The following PTPRD variants were observed in gnomAD, a reference collection of about 807,000 sequenced individuals.
The protein encoded by PTPRD is protein tyrosine phosphatase receptor type D.
PTPRD carries 34 observed loss-of-function variants against 214.5 expected under a neutral mutation model. That is an observed-to-expected ratio of 0.16 (90% CI 0.12 to 0.21). The LOEUF (loss-of-function observed/expected upper bound fraction) is 0.21, where lower values mean the gene tolerates loss of function less well. PTPRD is among the 10% of genes least tolerant of loss of function. The pLI is 1.00. For synonymous variants in PTPRD, 1,128 were observed against 845.7 expected, an observed-to-expected ratio of 1.33 and a Z score of -5.79; for missense variants, 2,545 against 2,398.7, an observed-to-expected ratio of 1.06 and a Z score of -1.27.
intron 9 of PTPRD, among the ~76,000 whole-genome samples, chr9:9,381,307 T>A (rs959359053): frequency 6.6e-6 from 1 of 152,054 alleles, no homozygotes; most frequent in East Asian, 1.9e-4. Flanking sequence ...GTAGTTTTAA[T>A]TGTACATTTA....
At chr9:9,897,680 G>A (rs184691897) in intron 5 of PTPRD, among the ~76,000 whole-genome samples, 3 of 151,864 alleles carry the variant, frequency 2.0e-5, no homozygotes, top group Non-Finnish European at 4.4e-5. Flanking sequence ...TTCACCTATT[G>A]ATTAGGATTT....
At chr9:9,982,368 T>C (rs1396676450) in intron 4 of PTPRD, among the ~76,000 whole-genome samples, 1 of 152,196 alleles carries the variant, frequency 6.6e-6, no homozygotes, top group Non-Finnish European at 1.5e-5. Flanking sequence ...ATTATTTATG[T>C]GCTAGTTATG....
chr9:9,860,249 C>T (rs1376023680), intron 5 of PTPRD, among the ~76,000 whole-genome samples: 2 of 152,140 alleles, frequency 1.3e-5, no homozygotes, highest in Admixed American at 6.5e-5. Context: ...AAAGACAACA[C>T]AAATGATGGA....
chr9:9,458,719 T>C (rs1274360341), intron 8 of PTPRD, among the ~76,000 whole-genome samples: 2 of 152,052 alleles, frequency 1.3e-5, no homozygotes, highest in East Asian at 1.9e-4. Context: ...GGTAGGTGGA[T>C]TGCTTCAGTC....
At chr9:9,575,575 C>T (rs1277812280) in intron 7 of PTPRD, among the ~76,000 whole-genome samples, 1 of 151,286 alleles carries the variant, frequency 6.6e-6, no homozygotes, top group Non-Finnish European at 1.5e-5. Flanking sequence ...GAAATATTAG[C>T]CACCTGTGGT....
chr9:10,424,709 G>C (rs1213285374), intron 2 of PTPRD, among the ~76,000 whole-genome samples: 17 of 151,848 alleles, frequency 1.1e-4, no homozygotes, highest in Non-Finnish European at 2.2e-4. Flanking sequence ...CTCATAAATG[G>C]TAAATGACCA....
At chr9:10,168,485 T>C (rs1174230164) in intron 3 of PTPRD, among the ~76,000 whole-genome samples, 2 of 152,210 alleles carry the variant, frequency 1.3e-5, no homozygotes, top group Non-Finnish European at 2.9e-5. Flanking sequence ...CGGCATGGGC[T>C]CTTATTCCTA....
chr9:10,244,082 A>G (rs912567235), intron 3 of PTPRD, among the ~76,000 whole-genome samples: 1 of 146,124 alleles, frequency 6.8e-6, no homozygotes, highest in Admixed American at 7.1e-5. Context: ...AGAGCCTACA[A>G]TCACTGTTTA....
intron 8 of PTPRD, among the ~76,000 whole-genome samples, chr9:9,557,755 C>A (rs923002811): frequency 6.6e-6 from 1 of 152,144 alleles, no homozygotes; most frequent in Non-Finnish European, 1.5e-5. Context: ...CACCTATGAT[C>A]TGGAAGCCCC....
intron 8 of PTPRD, among the ~76,000 whole-genome samples, chr9:9,428,522 G>C (rs894507437): frequency 5.6e-4 from 86 of 152,246 alleles, no homozygotes; most frequent in African/African-American, 1.6e-3. Context: ...AGGATATCCA[G>C]GAATTGAACT....
At chr9:8,695,947 C>T (rs2097902707) in intron 12 of PTPRD, among the ~76,000 whole-genome samples, 1 of 152,144 alleles carries the variant, frequency 6.6e-6, no homozygotes, top group African/African-American at 2.4e-5. Flanking sequence ...ACCACCTGCT[C>T]CAAACCAAAA....
At chr9:10,453,680 C>T (rs2098871680) in intron 2 of PTPRD, among the ~76,000 whole-genome samples, 1 of 151,542 alleles carries the variant, frequency 6.6e-6, no homozygotes, top group African/African-American at 2.4e-5. Flanking sequence ...TTTATTATGT[C>T]TCACCAGTTA....
At chr9:9,440,751 G>A (rs1272926521) in intron 8 of PTPRD, among the ~76,000 whole-genome samples, 1 of 152,096 alleles carries the variant, frequency 6.6e-6, no homozygotes, top group Non-Finnish European at 1.5e-5. Flanking sequence ...ATCTTCTTGT[G>A]TTAAACAGAG....
At chr9:9,265,372 C>T (rs1323828612) in intron 9 of PTPRD, among the ~76,000 whole-genome samples, 1 of 151,456 alleles carries the variant, frequency 6.6e-6, no homozygotes, top group Non-Finnish European at 1.5e-5. Flanking sequence ...AGTGATGCTG[C>T]CCTACTGAAT....
At chr9:8,896,335 T>G (rs916802366) in intron 11 of PTPRD, among the ~76,000 whole-genome samples, 1 of 152,196 alleles carries the variant, frequency 6.6e-6, no homozygotes, top group African/African-American at 2.4e-5. Flanking sequence ...TCACAATAGC[T>G]TCTAATAACA....
At chr9:9,276,393 T>C (rs766192324) in intron 9 of PTPRD, among the ~76,000 whole-genome samples, 11 of 151,314 alleles carry the variant, frequency 7.3e-5, no homozygotes, top group Non-Finnish European at 1.3e-4. Context: ...GTCTAGAATA[T>C]CAGAGGCCCG....
At position 10,096,326 on chromosome 9, in the gene PTPRD, A is replaced by G. The variant is rs1211311797; in HGVS notation, c.-544-62536T>C. ...AAGTGGTGTGAAACATTCTCTATAC[A>G]TCACCCCTTTTATCTAACTGGCTGA... is the stretch of plus-strand genomic sequence containing the variant. On this transcript the variant is annotated intron_variant, in intron 3 of 45. Transcript: ENST00000381196. 3.3e-5 allele frequency among the ~76,000 whole-genome samples: 5 copies of G among 151,820 alleles called. No homozygotes were observed. The South Asian group carries it at 6.2e-4, about 19-fold the overall frequency.
chr9:8,441,704 A>G (rs1457483656), intron 34 of PTPRD, among the ~76,000 whole-genome samples: 1 of 152,112 alleles, frequency 6.6e-6, no homozygotes, highest in Non-Finnish European at 1.5e-5. Context: ...TGCATGGTTC[A>G]TCCCCTATGG....
intron 11 of PTPRD, among the ~76,000 whole-genome samples, chr9:8,996,599 G>A (rs1023245986): frequency 2.0e-5 from 3 of 151,982 alleles, no homozygotes; most frequent in African/African-American, 4.8e-5. Flanking sequence ...AGTAAGGATG[G>A]GAAGTCCAAG....
Sources: gnomAD v4.1 joint callset for allele counts (sites outside exome capture counted in the v4.1 genomes callset) on GRCh38, gnomAD v4.1.1 for gene constraint, MANE v1.5 for transcripts, NCBI Gene and HGNC (gene_info 2026-07-23, HGNC 2026-07-21) for gene names.